FBXL16: variants seen among roughly 807,000 people sequenced by gnomAD.
The protein encoded by FBXL16 is F-box and leucine rich repeat protein 16.
FBXL16 carries 7 observed loss-of-function variants against 36.7 expected under a neutral mutation model. The observed-to-expected ratio is 0.19, with a 90% confidence interval of 0.11 to 0.36. FBXL16 has a LOEUF of 0.36. Among genes scored for constraint, FBXL16 ranks in the 10% least tolerant of loss-of-function variants. The pLI is 1.00. For missense variants in FBXL16, 463 were observed against 659.4 expected, an observed-to-expected ratio of 0.70 and a Z score of 3.26; for synonymous variants, 355 against 308.7, an observed-to-expected ratio of 1.15 and a Z score of -1.57.
Position 695,442 on chromosome 16 carries a change from T to G in FBXL16, c.1115A>C (p.His372Pro). The G allele has an allele frequency of 6.5e-7, 1 of 1,548,482 alleles. No homozygotes were observed. The change falls in exon 3 of 6, where the codon CAC becomes CCC. Residue 372 changes from histidine to proline, a missense_variant. Coordinates refer to ENST00000397621, the MANE Select transcript of FBXL16 (RefSeq NM_153350.4). The stretch of plus-strand genomic sequence containing the variant: ...GTCGAGCACGAGCTCCTCTAGGCGG[T>G]GCAGGTCGCAGGCCACGTACTCCAG... The part of the protein sequence containing the change: ...MALEYVACDL[H>P]RLEELVLDRC...
intron 1 of FBXL16, among the ~76,000 whole-genome samples, chr16:704,530 T>C (rs1280652073): frequency 1.3e-5 from 2 of 152,232 alleles, no homozygotes; most frequent in Non-Finnish European, 2.9e-5. Flanking sequence ...CAGGTTCCAC[T>C]AGGCCTCTGC....
At position 697,168 on chromosome 16, in the gene FBXL16, G is replaced by T; in HGVS notation, c.238C>A (p.Pro80Thr). Residue 80 changes from proline to threonine, a missense_variant, in exon 2 of 6, where the codon CCA (proline) becomes ACA (threonine). Transcript: ENST00000397621. This position sits in a 1 kb window ranked among gnomAD's most constrained non-coding sequence, Gnocchi z 4.6. ...TGCCCAGGTGCCAAGGCTGAGGCTG[G>T]TCCACCTGCCGGGGTGCACGGGCCC... is the stretch of plus-strand genomic sequence containing the variant. ...AGGPCTPAGG[P>T]ASALAPGHPA... is the part of the protein sequence containing the mutation. The T allele has an allele frequency of 6.3e-7, 1 of 1,576,928 alleles. No individual in the cohort carries two copies.
chr16:703,048 G>A (rs1045679983), intron 1 of FBXL16, among the ~76,000 whole-genome samples: 1 of 152,184 alleles, frequency 6.6e-6, no homozygotes, highest in Non-Finnish European at 1.5e-5. Flanking sequence ...AAGTTACATA[G>A]AGCTAGGATT....
chr16:698,144 C>G (rs551672087), intron 1 of FBXL16, among the ~76,000 whole-genome samples: 109 of 152,000 alleles, frequency 7.2e-4, no homozygotes, highest in African/African-American at 2.4e-3. Flanking sequence ...GCTGGGAATT[C>G]GGGCGCCCAC....
rs2151521148 is a variant in FBXL16 at position 697,994 on chromosome 16, T to A, written c.-14-575A>T. Among the ~76,000 whole-genome samples, 2 of 149,796 alleles carry A rather than the reference T, an allele frequency of 1.3e-5. 1 individual carries two copies. Among genetic ancestry groups the A allele is most frequent in the African/African-American group, 5.0e-5 (2 of 40,234 alleles). The stretch of plus-strand genomic sequence containing the variant: ...CAGCCTGGGCAACTGAGCAAGACTC[T>A]GTCTCAAAAAAAAAAAAAAGAAACA... On this transcript the variant is annotated intron_variant, in intron 1 of 5. Transcript: ENST00000397621. The surrounding 1 kb of genome is among the most constrained non-coding windows in gnomAD (Gnocchi z 4.6).
Position 694,982 on chromosome 16 carries a change from G to A in FBXL16, c.1227+10C>T, listed in dbSNP as rs781416218. On this transcript the variant is annotated intron_variant, in intron 4 of 5. Coordinates refer to ENST00000397621, the MANE Select transcript of FBXL16 (RefSeq NM_153350.4). ...CCGATCCCCCAATCCCGGGGCGTGAGAGCCGGTACCTGGCAGCACCATCGC... is the reference window on the plus strand; with the variant it reads ...CCGATCCCCCAATCCCGGGGCGTGAAAGCCGGTACCTGGCAGCACCATCGC... The A allele has an allele frequency of 4.6e-6, 7 of 1,528,980 alleles. No individual in the cohort carries two copies. The highest frequency in any genetic ancestry group is 6.2e-6 in the Non-Finnish European group (7 of 1,135,438). 94.7% of individuals were successfully genotyped at this position (1,528,980 alleles called of 1,614,324 possible).
chr16:700,131 C>T (rs1405369348), intron 1 of FBXL16, among the ~76,000 whole-genome samples: 1 of 152,244 alleles, frequency 6.6e-6, no homozygotes, highest in East Asian at 1.9e-4. Flanking sequence ...CCAGACAGGG[C>T]CAGCCTTGCC....
At chr16:699,961 A>G (rs2040043587) in intron 1 of FBXL16, among the ~76,000 whole-genome samples, 2 of 152,120 alleles carry the variant, frequency 1.3e-5, no homozygotes, top group South Asian at 2.1e-4. Flanking sequence ...CTGCTCCACC[A>G]CAGAGAGTGG....
chr16:693,256 T>C lies in FBXL16; in HGVS notation c.*1019A>G, dbSNP rs1342080786. On this transcript the variant is annotated 3_prime_UTR_variant, in exon 6 of 6. Transcript: ENST00000397621. ...TGTGCTGGCCACTGGAAGATTGGAGTCGCTGACCCAGTGCTGACCCTGACC... is the reference window on the plus strand; with the variant it reads ...TGTGCTGGCCACTGGAAGATTGGAGCCGCTGACCCAGTGCTGACCCTGACC... 1 of 151,744 alleles carries C rather than the reference T, an allele frequency of 6.6e-6. No individual in the cohort carries two copies. Among genetic ancestry groups the C allele is most frequent in the African/African-American group, 2.4e-5 (1 of 41,216 alleles). The allele number at this position is 151,744 out of a possible 1,614,324, so 9.4% of individuals were successfully genotyped here. A position where few individuals can be genotyped will look rare whatever the true frequency, so the allele number is the denominator to read the frequency against.
chr16:698,797 C>T (rs1407552916), intron 1 of FBXL16, among the ~76,000 whole-genome samples: 1 of 151,138 alleles, frequency 6.6e-6, no homozygotes, highest in Admixed American at 6.6e-5. Context: ...TCCTGTAATC[C>T]CAGCTACTTG....
chr16:697,550 A>AAGCAGGCACTCCCATCCTCTCT lies in FBXL16; in HGVS notation c.-14-132_-14-131insAGAGAGGATGGGAGTGCCTGCT. On this transcript the variant is annotated intron_variant, in intron 1 of 5. Transcript: ENST00000397621. The surrounding 1 kb of genome is among the most constrained non-coding windows in gnomAD (Gnocchi z 4.6). ...GTGCTCCCAGAACCACCAGACAGAG[A>AAGCAGGCACTCCCATCCTCTCT]GGATGGGAGTGCCTGCTTCTCCCTC... The AAGCAGGCACTCCCATCCTCTCT allele has an allele frequency of 8.4e-7, 1 of 1,189,526 alleles. No individual in the cohort carries two copies. Among genetic ancestry groups the AAGCAGGCACTCCCATCCTCTCT allele is most frequent in the Non-Finnish European group, 1.1e-6 (1 of 884,350 alleles). 73.7% of individuals were successfully genotyped at this position (1,189,526 alleles called of 1,614,324 possible).
In FBXL16 at chr16:696,970, G is replaced by A; in HGVS notation, c.436C>T (p.Leu146Phe). Residue 146 changes from leucine to phenylalanine, a missense_variant, in exon 2 of 6, where the codon CTC becomes TTC. Physicochemically the swap from Leu to Phe is conservative, Grantham distance 22. Transcript: ENST00000397621. ...GLTPVLHAKE[L>F]YNVLPGGEKE... ...TCGCCACCAGGCAGCACGTTGTAGA[G>A]CTCCTTGGCATGCAGCACCGGCGTG... 1 of 1,599,492 alleles carries A rather than the reference G, an allele frequency of 6.3e-7. No individual in the cohort carries two copies. Among genetic ancestry groups the A allele is most frequent in the Non-Finnish European group, 8.5e-7 (1 of 1,174,294 alleles).
At chr16:702,020 G>T (rs573062769) in intron 1 of FBXL16, among the ~76,000 whole-genome samples, 2 of 152,312 alleles carry the variant, frequency 1.3e-5, no homozygotes, top group South Asian at 4.1e-4. Context: ...AGTGTGAAGC[G>T]TGTGGCCAGA....
At chr16:703,280 A>T (rs991835746) in intron 1 of FBXL16, among the ~76,000 whole-genome samples, 1 of 152,246 alleles carries the variant, frequency 6.6e-6, no homozygotes. Context: ...CACCCCTGGG[A>T]CATCCTTTTG....
chr16:701,084 G>C (rs2040052948), intron 1 of FBXL16, among the ~76,000 whole-genome samples: 1 of 152,138 alleles, frequency 6.6e-6, no homozygotes, highest in South Asian at 2.1e-4. Context: ...CATTCGCGGG[G>C]CTCCTTTCCC....
rs771777536 is a variant in FBXL16 at position 697,128 on chromosome 16, G to A, written c.278C>T (p.Pro93Leu). The A allele has an allele frequency of 1.0e-5, 16 of 1,604,314 alleles. No individual in the cohort carries two copies. The highest frequency in any genetic ancestry group is 6.7e-5 in the African/African-American group (5 of 74,686). ...ALAPGHPAER[P>L]PLATDEKILN... ...GATCTTCTCGTCCGTGGCCAGCGGC[G>A]GCCGCTCCGCTGGGTGCCCAGGTGC... Residue 93 changes from proline to leucine, a missense_variant, in exon 2 of 6, where the codon CCG becomes CTG. Transcript: ENST00000397621. This position sits in a 1 kb window ranked among gnomAD's most constrained non-coding sequence, Gnocchi z 4.6.
rs183287798 is a variant in FBXL16 at position 697,727 on chromosome 16, G to A, written c.-14-308C>T. Reference sequence around the variant, plus strand: ...TTTTGAAACAGAGTTCCGGCCGGGCGCGGTGGCTCATGCCTGTAATCCCAG... The same window carrying A: ...TTTTGAAACAGAGTTCCGGCCGGGCACGGTGGCTCATGCCTGTAATCCCAG... On this transcript the variant is annotated intron_variant, in intron 1 of 5. Transcript: ENST00000397621. This position sits in a 1 kb window ranked among gnomAD's most constrained non-coding sequence, Gnocchi z 4.6. Among the ~76,000 whole-genome samples the A allele has an allele frequency of 1.4e-3, 207 of 152,148 alleles. 1 individual carries two copies. Among genetic ancestry groups the A allele is most frequent in the African/African-American group, 4.9e-3 (204 of 41,484 alleles).
At chr16:698,243 TC>T (rs1345623580) in intron 1 of FBXL16, among the ~76,000 whole-genome samples, 1 of 152,078 alleles carries the variant, frequency 6.6e-6, no homozygotes, top group Non-Finnish European at 1.5e-5. Context: ...CCTCAAGTGA[TC>T]CACCCGCCTC....
intron 1 of FBXL16, among the ~76,000 whole-genome samples, chr16:703,645 C>T (rs561705244): frequency 1.3e-5 from 2 of 152,146 alleles, no homozygotes; most frequent in Admixed American, 6.5e-5. Context: ...CGTGGCACAG[C>T]GGCAGAGCTC....
Sources: allele counts gnomAD v4.1 joint callset (sites outside exome capture counted in the v4.1 genomes callset), GRCh38; gene constraint gnomAD v4.1.1; non-coding constraint Gnocchi (gnomAD v3.1); transcripts MANE v1.5; gene names NCBI Gene and HGNC (gene_info 2026-07-23, HGNC 2026-07-21).